Variants in TDRD5 observed in about 807,000 individuals in gnomAD.
TDRD5 encodes the protein tudor domain-containing protein 5.
TDRD5 carries 41 observed loss-of-function variants against 120.6 expected under a neutral mutation model. The ratio of observed to expected loss-of-function variants is 0.34; its 90% CI spans 0.26 to 0.44. The LOEUF is 0.44. Among genes scored for constraint, TDRD5 ranks in the 20% least tolerant of loss-of-function variants. TDRD5 has a pLI of 1.00. For missense variants in TDRD5, 1,006 were observed against 1,221.2 expected (o/e 0.82, Z 2.63); for synonymous variants, 430 against 433.7 (o/e 0.99, Z 0.11).
At chr1:179,653,064 G>T (rs894902874) in intron 13 of TDRD5, among the ~76,000 whole-genome samples, 9 of 152,122 alleles carry the variant, frequency 5.9e-5, no homozygotes, top group African/African-American at 2.2e-4. Flanking sequence ...TTTTGGATAA[G>T]GGATACTCAA....
At position 179,598,066 on chromosome 1, in the gene TDRD5, C is replaced by T. The variant is rs373938223; in HGVS notation, c.831+2248C>T. Among the ~76,000 whole-genome samples, 7 of 152,234 alleles carry T rather than the reference C, an allele frequency of 4.6e-5. 1 individual carries two copies. The East Asian group carries it at 1.2e-3, about 25-fold the overall frequency. On this transcript the variant is annotated intron_variant, in intron 4 of 17. Transcript: ENST00000444136. ...TACATAAACCTAGGTGGTATATAGCCTACTACACACCTAGGCTATATGGTA... is the reference window on the plus strand; with the variant it reads ...TACATAAACCTAGGTGGTATATAGCTTACTACACACCTAGGCTATATGGTA...
intron 4 of TDRD5, among the ~76,000 whole-genome samples, chr1:179,613,664 G>A (rs1444573551): frequency 7.2e-5 from 11 of 152,048 alleles, no homozygotes; most frequent in Non-Finnish European, 1.6e-4. Context: ...AATGCAAAAG[G>A]GGCAAGGGAT....
At chr1:179,675,255 T>TTTA (rs1219898193) in intron 17 of TDRD5, among the ~76,000 whole-genome samples, 1,409 of 116,154 alleles carry the variant, frequency 0.012, 46 homozygotes, top group African/African-American at 0.034. Flanking sequence ...TCAAAGAATT[T>TTTA]TTATTATTAT....
intron 17 of TDRD5, among the ~76,000 whole-genome samples, chr1:179,680,220 A>G (rs1225735879): frequency 6.6e-6 from 1 of 152,168 alleles, no homozygotes; most frequent in African/African-American, 2.4e-5. Context: ...AGCCTACAGT[A>G]TGCTCTATTT....
chr1:179,646,939 G>C (rs1474002820), intron 11 of TDRD5, among the ~76,000 whole-genome samples: 2 of 149,448 alleles, frequency 1.3e-5, no homozygotes, highest in Non-Finnish European at 3.0e-5. Flanking sequence ...CACTGCTCAA[G>C]GAAATAAAAG....
intron 17 of TDRD5, among the ~76,000 whole-genome samples, chr1:179,681,838 C>A (rs1436899597): frequency 1.3e-5 from 2 of 148,898 alleles, no homozygotes; most frequent in African/African-American, 2.5e-5. Context: ...ACATTTCTTA[C>A]TCTCAGTCTT....
chr1:179,664,226 C>T (rs1180987768), intron 16 of TDRD5, among the ~76,000 whole-genome samples: 2 of 151,996 alleles, frequency 1.3e-5, no homozygotes, highest in Non-Finnish European at 2.9e-5. Flanking sequence ...AGAAATGTAG[C>T]TTACTTAATG....
chr1:179,672,100 C>T (rs530701611), intron 17 of TDRD5, among the ~76,000 whole-genome samples: 3 of 151,528 alleles, frequency 2.0e-5, no homozygotes, highest in Admixed American at 1.3e-4. Context: ...GTATCTTTTT[C>T]GTATAATGAC....
chr1:179,596,249 T>C (rs1238704108), intron 4 of TDRD5, among the ~76,000 whole-genome samples: 2 of 152,216 alleles, frequency 1.3e-5, no homozygotes, highest in African/African-American at 4.8e-5. Context: ...TAAATCATCA[T>C]GTTAACAACT....
chr1:179,688,756 T>C lies in TDRD5; in HGVS notation c.2861-1940T>C, dbSNP rs950379099. Among the ~76,000 whole-genome samples, 15 of 152,190 alleles carry C rather than the reference T, an allele frequency of 9.9e-5. 1 individual carries two copies. The highest frequency in any genetic ancestry group is 1.6e-4 in the Non-Finnish European group (11 of 68,018). On this transcript the variant is annotated intron_variant, in intron 17 of 17. Transcript: ENST00000444136. ...GCTTTGTTCATTTCTTTTTACTCTT[T>C]TTTCTCTAAACTTCTCTTCTTGCTT...
intron 4 of TDRD5, among the ~76,000 whole-genome samples, chr1:179,607,988 C>G (rs1676069877): frequency 6.6e-6 from 1 of 151,786 alleles, no homozygotes; most frequent in Admixed American, 6.6e-5. Context: ...GGTGTATATT[C>G]TTAGCTTTTA....
intron 17 of TDRD5, among the ~76,000 whole-genome samples, chr1:179,678,132 G>C (rs1023159446): frequency 6.6e-6 from 1 of 152,118 alleles, no homozygotes; most frequent in African/African-American, 2.4e-5. Context: ...ACACCCCCAG[G>C]GGGATTATGG....
intron 4 of TDRD5, among the ~76,000 whole-genome samples, chr1:179,615,896 T>G (rs951297400): frequency 2.0e-5 from 3 of 152,136 alleles, no homozygotes; most frequent in Non-Finnish European, 4.4e-5. Flanking sequence ...AGTAAATATT[T>G]GAGGCTTTGC....
intron 11 of TDRD5, among the ~76,000 whole-genome samples, chr1:179,645,579 T>C (rs1414344824): frequency 6.6e-6 from 1 of 152,184 alleles, no homozygotes; most frequent in Non-Finnish European, 1.5e-5. Flanking sequence ...TTGTGTGTAA[T>C]ATTTTATATA....
At chr1:179,636,851 A>G (rs1390548318) in intron 9 of TDRD5, among the ~76,000 whole-genome samples, 2 of 152,210 alleles carry the variant, frequency 1.3e-5, no homozygotes, top group Non-Finnish European at 2.9e-5. Context: ...TGAAGTGACA[A>G]GCTTGCTTCA....
At chr1:179,670,986 G>T (rs1050993940) in intron 17 of TDRD5, among the ~76,000 whole-genome samples, 5 of 152,060 alleles carry the variant, frequency 3.3e-5, no homozygotes, top group African/African-American at 1.2e-4. Flanking sequence ...TAAAATTTTT[G>T]TAGTTTTAAG....
chr1:179,652,226 A>T (rs1260791703), intron 13 of TDRD5, 29 bp downstream of exon 13: 1 of 1,567,180 alleles, frequency 6.4e-7, no homozygotes, highest in Admixed American at 2.1e-5. Flanking sequence ...TACTATTATA[A>T]TTCTTTTTAT....
At chr1:179,614,978 C>T (rs1194230143) in intron 4 of TDRD5, among the ~76,000 whole-genome samples, 3 of 152,118 alleles carry the variant, frequency 2.0e-5, no homozygotes, top group Non-Finnish European at 4.4e-5. Flanking sequence ...ATCTTTTGAA[C>T]TTACTCCTCC....
intron 6 of TDRD5, among the ~76,000 whole-genome samples, chr1:179,621,554 C>T (rs148929656): frequency 7.2e-5 from 11 of 152,052 alleles, no homozygotes; most frequent in African/African-American, 2.4e-4. Context: ...AAGTACACAG[C>T]ACAACACAGG....
Sources: gnomAD v4.1 joint callset for allele counts (sites outside exome capture counted in the v4.1 genomes callset) on GRCh38, gnomAD v4.1.1 for gene constraint, MANE v1.5 for transcripts, NCBI Gene and HGNC (gene_info 2026-07-23, HGNC 2026-07-21) for gene names.